Variants in TERB2 observed in about 807,000 individuals in gnomAD.
TERB2 encodes telomere repeat binding bouquet formation protein 2.
Under a neutral mutation model 29.8 loss-of-function variants are expected in TERB2, and 26 were observed. The ratio of observed to expected loss-of-function variants is 0.87; its 90% CI spans 0.64 to 1.21. The LOEUF is 1.21. TERB2 is among the 50% of genes most tolerant of loss of function. The pLI is 0.00. For synonymous variants in TERB2, 80 were observed against 90.8 expected (o/e 0.88, Z 0.68); for missense variants, 240 against 268.6 (o/e 0.89, Z 0.74).
rs1891803096 is a variant in TERB2, at chr15:44,961,507, GT to G, written c.287-11del. The G allele has an allele frequency of 1.3e-6, 2 of 1,555,962 alleles. No homozygotes were observed. Among genetic ancestry groups the G allele is most frequent in the Non-Finnish European group, 1.7e-6 (2 of 1,148,920 alleles). ...AAAAAACCAAAACAGTATTGGATTT[GT>G]TTTTCTCACCACAGAAATAAGAAGA... On this transcript the variant is annotated splice_polypyrimidine_tract_variant and intron_variant, in intron 3 of 6. Coordinates refer to ENST00000340827, the MANE Select transcript of TERB2 (RefSeq NM_152448.3).
At chr15:44,972,254 G>T (rs191025798) in intron 5 of TERB2, among the ~76,000 whole-genome samples, 146 of 151,932 alleles carry the variant, frequency 9.6e-4, no homozygotes, top group African/African-American at 3.4e-3. Context: ...GCCTCCCAAA[G>T]TGCTGGGATT....
intron 5 of TERB2, among the ~76,000 whole-genome samples, chr15:44,968,687 C>T (rs1444561972): frequency 6.7e-6 from 1 of 149,260 alleles, no homozygotes; most frequent in Admixed American, 6.7e-5. Context: ...CTCAACCTCC[C>T]AGGCTGAAGT....
intron 2 of TERB2, among the ~76,000 whole-genome samples, chr15:44,957,908 C>A (rs1379664238): frequency 6.6e-6 from 1 of 151,942 alleles, no homozygotes; most frequent in Non-Finnish European, 1.5e-5. Context: ...CCAGTCAACC[C>A]GAACTGCCAT....
chr15:44,957,337 A>G (rs1230442873), intron 2 of TERB2, among the ~76,000 whole-genome samples: 1 of 152,190 alleles, frequency 6.6e-6, no homozygotes, highest in Non-Finnish European at 1.5e-5. Flanking sequence ...GGAAAGAAAT[A>G]GACAACCTCC....
At chr15:44,963,911 A>G (rs77011732) in intron 4 of TERB2, among the ~76,000 whole-genome samples, 1 of 148,550 alleles carries the variant, frequency 6.7e-6, no homozygotes, top group Non-Finnish European at 1.5e-5. Flanking sequence ...CCTGGGTTGA[A>G]GCGATTCTCG....
chr15:44,978,344 C>A (rs1595480379), intron 6 of TERB2, 145 bp from the exon 7 acceptor site: 4 of 1,218,904 alleles, frequency 3.3e-6, no homozygotes, highest in Non-Finnish European at 4.2e-6. Context: ...CATGGAGAAT[C>A]TTCTCACTGG....
intron 5 of TERB2, among the ~76,000 whole-genome samples, chr15:44,968,937 T>A (rs1228324030): frequency 2.6e-5 from 4 of 151,578 alleles, no homozygotes; most frequent in Non-Finnish European, 1.5e-5. Context: ...TTTGTGTGTG[T>A]GAGAGAGAGA....
At chr15:44,966,344 T>C (rs529009551) in intron 5 of TERB2, 101 bp downstream of exon 5, 5 of 561,476 alleles carry the variant, frequency 8.9e-6, no homozygotes, top group Admixed American at 8.9e-5. Context: ...TCCTATGAGA[T>C]AGATAGCATT....
At chr15:44,964,175 T>A (rs1022491032) in intron 4 of TERB2, among the ~76,000 whole-genome samples, 47 of 152,236 alleles carry the variant, frequency 3.1e-4, no homozygotes, top group African/African-American at 1.1e-3. Flanking sequence ...AGGGAGAAAA[T>A]CTTTCATTTT....
intron 6 of TERB2, among the ~76,000 whole-genome samples, chr15:44,975,662 C>T (rs1481894124): frequency 2.0e-5 from 3 of 151,702 alleles, no homozygotes; most frequent in Non-Finnish European, 4.4e-5. Context: ...TGCATTATAG[C>T]ATATTTACCT....
At position 44,978,498 on chromosome 15, in the gene TERB2, C is replaced by G. The variant is rs1892076509; in HGVS notation, c.533C>G (p.Ser178Ter). 6.2e-7 allele frequency: 1 copy of G among 1,600,422 alleles called. No individual in the cohort carries two copies. The highest frequency in any genetic ancestry group is 8.5e-7 in the Non-Finnish European group (1 of 1,173,662). The change falls in exon 7 of 7, where the codon TCA (serine) becomes TGA (stop). Residue 178 changes from serine to a stop codon, truncating the protein, a stop_gained. Transcript: ENST00000340827. LOFTEE classifies it high-confidence loss of function. ...AAATTTTATTTTGTAGGTTATATAT[C>G]AATTGATGCCATGAAGAAATTCCTT... ...PVNNMVTGYI[S>*]IDAMKKFLGE...
At chr15:44,966,275 A>G (rs763081707) in intron 5 of TERB2, 32 bp downstream of exon 5, 2 of 1,366,018 alleles carry the variant, frequency 1.5e-6, no homozygotes, top group Non-Finnish European at 2.0e-6. Flanking sequence ...TTAATATTCA[A>G]TTCAATGTAG....
Position 44,958,372 on chromosome 15 carries a change from G to T in TERB2, c.147-1G>T, listed in dbSNP as rs761115943. 1 of 1,605,834 alleles carries T rather than the reference G, an allele frequency of 6.2e-7. No individual in the cohort carries two copies. Among genetic ancestry groups the T allele is most frequent in the Admixed American group, 1.7e-5 (1 of 57,964 alleles). On this transcript the variant is annotated splice_acceptor_variant, in intron 2 of 6. Transcript: ENST00000340827. LOFTEE classifies it high-confidence loss of function. Reference sequence around the variant, plus strand: ...TAAAATATTTCCTTTCTTTCTCCTAGAATATATCAGAGCCTTGATTACATA... The same window carrying T: ...TAAAATATTTCCTTTCTTTCTCCTATAATATATCAGAGCCTTGATTACATA...
At chr15:44,963,616 T>C (rs545150586) in intron 4 of TERB2, among the ~76,000 whole-genome samples, 2,203 of 151,610 alleles carry the variant, frequency 0.015, 66 homozygotes, top group African/African-American at 0.051. Flanking sequence ...GATAGTGGTG[T>C]TGTAAAGATA....
chr15:44,978,357 T>G (rs1892074893), intron 6 of TERB2, 132 bp from the exon 7 acceptor site: 16 of 1,257,468 alleles, frequency 1.3e-5, no homozygotes, highest in African/African-American at 3.1e-5. Flanking sequence ...CTCACTGGTA[T>G]TATTTCTTCT....
At chr15:44,960,856 A>G (rs2141239081) in intron 3 of TERB2, among the ~76,000 whole-genome samples, 1 of 152,188 alleles carries the variant, frequency 6.6e-6, no homozygotes, top group Admixed American at 6.5e-5. Context: ...GTCCTTTGAC[A>G]TACTGACCAT....
At position 44,978,582 on chromosome 15, in the gene TERB2, A is replaced by C; in HGVS notation, c.617A>C (p.Asn206Thr). The C allele has an allele frequency of 6.2e-7, 1 of 1,608,860 alleles. No homozygotes were observed. The highest frequency in any genetic ancestry group is 1.1e-5 in the South Asian group (1 of 89,790). The change falls in exon 7 of 7, where the codon AAT becomes ACT. Residue 206 changes from asparagine (N) to threonine (T), a missense_variant. Asn to Thr is a moderately conservative substitution (Grantham distance 65, BLOSUM62 0). Transcript: ENST00000340827. ...GGATATTTGGCATATCATGTTCAAAATGAAATTAATATGTCTGCTATAAAA... is the reference window on the plus strand; with the variant it reads ...GGATATTTGGCATATCATGTTCAAACTGAAATTAATATGTCTGCTATAAAA... ...TSGYLAYHVQ[N>T]EINMSAIKNK...
intron 5 of TERB2, among the ~76,000 whole-genome samples, chr15:44,971,986 T>C (rs920868156): frequency 5.0e-5 from 7 of 140,274 alleles, no homozygotes; most frequent in Admixed American, 2.8e-4. Flanking sequence ...AGAAGCTTTT[T>C]TTTTTTTTTT....
At chr15:44,972,907 G>C (rs1368826232) in intron 5 of TERB2, among the ~76,000 whole-genome samples, 1 of 147,254 alleles carries the variant, frequency 6.8e-6, no homozygotes, top group Admixed American at 6.8e-5. Flanking sequence ...TTTTGAGGTG[G>C]AGTCTCGTTC....
Sources: allele counts gnomAD v4.1 joint callset (sites outside exome capture counted in the v4.1 genomes callset), GRCh38; gene constraint gnomAD v4.1.1; transcripts MANE v1.5; gene names NCBI Gene and HGNC (gene_info 2026-07-23, HGNC 2026-07-21).